Variants in SMARCC2 observed in about 807,000 individuals in gnomAD.
The protein encoded by SMARCC2 is SWI/SNF related BAF chromatin remodeling complex subunit C2, also known as SWI/SNF complex subunit SMARCC2.
In SMARCC2, 15 loss-of-function variants were observed where a neutral mutation model predicts 151.3. The observed-to-expected ratio is 0.10, with a 90% CI of 0.07 to 0.15. The LOEUF (loss-of-function observed/expected upper bound fraction) is 0.15. Among genes scored for constraint, SMARCC2 ranks in the 10% least tolerant of loss-of-function variants. SMARCC2 has a pLI of 1.00. For missense variants in SMARCC2, 1,031 were observed against 1,599.7 expected, an observed-to-expected ratio of 0.64 and a Z score of 6.06; for synonymous variants, 590 against 609.5, an observed-to-expected ratio of 0.97 and a Z score of 0.47.
intron 15 of SMARCC2, among the ~76,000 whole-genome samples, chr12:56,177,059 G>A (rs1565909962): frequency 6.6e-6 from 1 of 152,070 alleles, no homozygotes; most frequent in Non-Finnish European, 1.5e-5. Context: ...GACCTCGGGT[G>A]ATCCGCCCGC....
At chr12:56,167,909 C>G in intron 26 of SMARCC2, 151 bp downstream of exon 26, 2 of 865,924 alleles carry the variant, frequency 2.3e-6, no homozygotes, top group South Asian at 3.2e-5. Flanking sequence ...CACACACACA[C>G]ACTCAGGCTT....
chr12:56,188,692 A>C (rs964980516), intron 1 of SMARCC2, among the ~76,000 whole-genome samples: 4 of 152,164 alleles, frequency 2.6e-5, no homozygotes, highest in African/African-American at 9.7e-5. Context: ...TTGCAAGGTG[A>C]CTTCATTGTA....
At chr12:56,180,938 G>T in intron 11 of SMARCC2, 39 bp downstream of exon 11, 1 of 1,585,440 alleles carries the variant, frequency 6.3e-7, no homozygotes, top group Non-Finnish European at 8.6e-7. Flanking sequence ...TCAAGACGGG[G>T]AGTGGGGGTG....
chr12:56,184,775 G>C, intron 5 of SMARCC2, 69 bp downstream of exon 5: 1 of 934,952 alleles, frequency 1.1e-6, no homozygotes, highest in Non-Finnish European at 1.8e-6. Context: ...CAGGGCTGCT[G>C]CTTGGTATAG....
intron 3 of SMARCC2, chr12:56,185,380 A>C (rs1877041703): frequency 2.6e-6 from 1 of 386,800 alleles, no homozygotes. Context: ...ACGAGGTTTC[A>C]CCATATTGGT....
At chr12:56,170,301 G>T in intron 22 of SMARCC2, 93 bp from the exon 23 acceptor site, 1 of 1,143,388 alleles carries the variant, frequency 8.7e-7, no homozygotes, top group Non-Finnish European at 1.3e-6. Flanking sequence ...ACAGGGTCTT[G>T]CTGTGTTGCC....
chr12:56,186,593 GC>G, intron 2 of SMARCC2: 1 of 238,682 alleles, frequency 4.2e-6, no homozygotes, highest in Non-Finnish European at 8.3e-6. Flanking sequence ...CAGGTGATCT[GC>G]CCGCCTCGGC....
intron 7 of SMARCC2, among the ~76,000 whole-genome samples, chr12:56,182,624 G>A (rs957902259): frequency 1.3e-5 from 2 of 150,774 alleles, no homozygotes; most frequent in Admixed American, 1.3e-4. Flanking sequence ...CGTCCAGCTG[G>A]GGTTTTTGTT....
rs1291680487 is a variant in SMARCC2, at chr12:56,186,315, T to C, written c.232-75A>G. ...CTCTCATCACTTAATAATCTAATAA[T>C]CCTTTCACAAAATCCCATGCTGAAT... On this transcript the variant is annotated intron_variant, in intron 2 of 28. Transcript: ENST00000550164. 4 of 886,058 alleles carry C rather than the reference T, an allele frequency of 4.5e-6. No homozygotes were observed. In the African/African-American group the frequency reaches 5.0e-5, roughly 11 times the overall value. 54.9% of individuals were successfully genotyped at this position (886,058 alleles called of 1,614,324 possible).
At position 56,165,352 on chromosome 12, in the gene SMARCC2, T is replaced by A. The variant is rs1872577042; in HGVS notation, c.3198A>T (p.Ala1066=). ...QQPAGAPQPG[A]VPPGVPPPGP... Reference sequence around the variant, plus strand: ...CAGGGGGGGGAACCCCTGGTGGGACTGCCCCAGGCTGGGGGGCTCCAGCTG... The same window carrying A: ...CAGGGGGGGGAACCCCTGGTGGGACAGCCCCAGGCTGGGGGGCTCCAGCTG... The change falls in exon 27 of 29, where the codon GCA becomes GCT. Residue 1066 remains alanine (A), a synonymous_variant. Coordinates refer to ENST00000550164, the MANE Select transcript of SMARCC2 (RefSeq NM_001330288.2). The A allele has an allele frequency of 6.7e-7, 1 of 1,501,158 alleles. No homozygotes were observed. The highest frequency in any genetic ancestry group is 8.9e-7 in the Non-Finnish European group (1 of 1,128,100). 93.0% of individuals were successfully genotyped at this position (1,501,158 alleles called of 1,614,324 possible). A position where few individuals can be genotyped will look rare whatever the true frequency, so the allele number is the denominator to read the frequency against.
chr12:56,178,713 G>A (rs1875514538), intron 13 of SMARCC2, 97 bp downstream of exon 13: 1 of 1,467,298 alleles, frequency 6.8e-7, no homozygotes, highest in Admixed American at 1.7e-5. Context: ...GTCTACAGTG[G>A]GTAAAGTCTG....
chr12:56,166,442 C>A (rs956987033), intron 26 of SMARCC2, among the ~76,000 whole-genome samples: 3 of 152,018 alleles, frequency 2.0e-5, no homozygotes, highest in African/African-American at 7.3e-5. Context: ...TGAGCCACCG[C>A]GCCCGGCTGA....
Position 56,168,092 on chromosome 12 carries a change from G to A in SMARCC2, c.2818C>T (p.Leu940=). Residue 940 remains leucine, a synonymous_variant, in exon 26 of 29, where the codon CTG becomes TTG. Transcript: ENST00000550164. ...LEIKLRHFEE[L]ETIMDREREA... is the part of the protein sequence containing the mutation. ...CGCTCCCGGTCCATGATAGTCTCCA[G>A]CTCCTCAAAGTGCCGAAGTTTGATC... is the stretch of plus-strand genomic sequence containing the variant. The A allele has an allele frequency of 6.2e-7, 1 of 1,614,002 alleles. No homozygotes were observed. The highest frequency in any genetic ancestry group is 1.3e-5 in the African/African-American group (1 of 74,952).
At chr12:56,166,935 G>A (rs549101816) in intron 26 of SMARCC2, among the ~76,000 whole-genome samples, 93 of 151,538 alleles carry the variant, frequency 6.1e-4, no homozygotes, top group African/African-American at 2.1e-3. Context: ...ATGGTGGCAT[G>A]TGCCTGTAAT....
Position 56,189,404 on chromosome 12 carries a change from T to C in SMARCC2, c.58A>G (p.Thr20Ala). Residue 20 changes from threonine to alanine, a missense_variant, in exon 1 of 29, where the codon ACC becomes GCC. Around this residue, in one of 12 missense-constraint regions of SMARCC2, gnomAD observed 50 missense variants for 52.4 expected, o/e 0.95. Coordinates refer to ENST00000550164, the MANE Select transcript of SMARCC2 (RefSeq NM_001330288.2). ...PNVKYYEAADTVTQFDNVRLW... is the reference protein window; with the variant it reads ...PNVKYYEAADAVTQFDNVRLW... The stretch of plus-strand genomic sequence containing the variant: ...CGCACGTTGTCGAACTGGGTCACGG[T>C]GTCCGCGGCCTCGTAGTACTTCACG... The C allele has an allele frequency of 6.5e-7, 1 of 1,541,196 alleles. No homozygotes were observed. The highest frequency in any genetic ancestry group is 1.7e-4 in the Middle Eastern group (1 of 5,810).
Position 56,164,500 on chromosome 12 carries a change from G to T in SMARCC2, c.3464C>A (p.Pro1155Gln). 6.2e-7 allele frequency: 1 copy of T among 1,614,200 alleles called. No individual in the cohort carries two copies. Among genetic ancestry groups the T allele is most frequent in the Non-Finnish European group, 8.5e-7 (1 of 1,180,048 alleles). ...TGGGGGGAGAGTGCCCGGGGCGAAC[G>T]GGAGATGGTGGTGATGCCCATGCAG... ...PNLHGHHHHL[P>Q]FAPGTLPPPN... Residue 1155 changes from proline to glutamine, a missense_variant, in exon 28 of 29, where the codon CCG becomes CAG. Pro to Gln is a moderately conservative substitution (Grantham distance 76, BLOSUM62 -1). Around this residue, in one of 12 missense-constraint regions of SMARCC2, gnomAD observed 310 missense variants for 350.0 expected, o/e 0.89. Transcript: ENST00000550164.
intron 11 of SMARCC2, among the ~76,000 whole-genome samples, chr12:56,180,361 G>A (rs527601276): frequency 2.0e-5 from 3 of 150,864 alleles, no homozygotes; most frequent in Non-Finnish European, 2.9e-5. Flanking sequence ...CGCCCACCTC[G>A]GCCTGCCAAA....
In SMARCC2 at chr12:56,163,563, G is replaced by T; in HGVS notation, c.*126C>A. On this transcript the variant is annotated 3_prime_UTR_variant, in exon 29 of 29. Transcript: ENST00000550164. Reference sequence around the variant, plus strand: ...GCATGGTGAGGGCTTTGGAGGGGCGGAAGGAGCTTTCCTTACGTAGTGATG... The same window carrying T: ...GCATGGTGAGGGCTTTGGAGGGGCGTAAGGAGCTTTCCTTACGTAGTGATG... 1 of 506,440 alleles carries T rather than the reference G, an allele frequency of 2.0e-6. No homozygotes were observed. Among genetic ancestry groups the T allele is most frequent in the Non-Finnish European group, 3.5e-6 (1 of 289,474 alleles). 31.4% of individuals were successfully genotyped at this position (506,440 alleles called of 1,614,324 possible).
chr12:56,181,511 TG>T lies in SMARCC2; in HGVS notation c.926del (p.Pro309GlnfsTer31). ...RKRSPSPSPT[P>X]EAKKKNAKKG... is the part of the protein sequence containing the mutation. ...TCTTAGCATTTTTCTTCTTTGCTTC[TG>T]GGGTTGGTGAAGGAGAGGGGGAGCG... On this transcript the variant is annotated frameshift_variant, in exon 10 of 29. Coordinates refer to ENST00000550164, the MANE Select transcript of SMARCC2 (RefSeq NM_001330288.2). LOFTEE classifies it high-confidence loss of function. 1.3e-6 allele frequency: 2 copies of T among 1,556,808 alleles called. No homozygotes were observed. The highest frequency in any genetic ancestry group is 8.6e-7 in the Non-Finnish European group (1 of 1,156,540).
Sources: allele counts gnomAD v4.1 joint callset (sites outside exome capture counted in the v4.1 genomes callset), GRCh38; gene constraint gnomAD v4.1.1; regional missense constraint gnomAD v4.1.1; transcripts MANE v1.5; gene names NCBI Gene and HGNC (gene_info 2026-07-23, HGNC 2026-07-21).